Variants in KCNC2 observed in about 807,000 individuals in gnomAD.
KCNC2 encodes the protein voltage-gated potassium channel KCNC2.
KCNC2 carries 21 observed loss-of-function variants against 44.5 expected under a neutral mutation model. The ratio of observed to expected loss-of-function variants is 0.47; its 90% CI spans 0.33 to 0.68. KCNC2 has a LOEUF of 0.68. KCNC2 is among the 30% of genes least tolerant of loss of function. The pLI is 0.01. For missense variants in KCNC2, 589 were observed against 826.2 expected (o/e 0.71, Z 3.52); for synonymous variants, 391 against 339.1 (o/e 1.15, Z -1.68).
At chr12:75,145,259 G>T (rs961094142) in intron 2 of KCNC2, among the ~76,000 whole-genome samples, 2 of 151,728 alleles carry the variant, frequency 1.3e-5, no homozygotes, top group Admixed American at 1.3e-4. Context: ...AATTTCAGGA[G>T]ATTCAAGTGC....
intron 2 of KCNC2, among the ~76,000 whole-genome samples, chr12:75,146,477 C>A (rs1428135495): frequency 6.6e-6 from 1 of 152,096 alleles, no homozygotes; most frequent in East Asian, 1.9e-4. Flanking sequence ...AAAAGTAGAT[C>A]TGTTTTATTA....
intron 2 of KCNC2, among the ~76,000 whole-genome samples, chr12:75,056,156 G>C (rs530925609): frequency 6.6e-6 from 1 of 152,056 alleles, no homozygotes; most frequent in Non-Finnish European, 1.5e-5. Flanking sequence ...TTCAGCCCCT[G>C]TTGTGAAATT....
intron 2 of KCNC2, among the ~76,000 whole-genome samples, chr12:75,151,094 G>A (rs957489353): frequency 1.1e-4 from 17 of 151,826 alleles, no homozygotes; most frequent in African/African-American, 4.1e-4. Context: ...TTTGATAACT[G>A]GACGGGCTTG....
At position 75,041,506 on chromosome 12, in the gene KCNC2, T is replaced by A; in HGVS notation, c.*1599A>T. Reference sequence around the variant, plus strand: ...AATCAGCAGTCTCAAGGCTCCCAAATGCCTTAGTGATATTATTTATCCCTC... The same window carrying A: ...AATCAGCAGTCTCAAGGCTCCCAAAAGCCTTAGTGATATTATTTATCCCTC... On this transcript the variant is annotated 3_prime_UTR_variant, in exon 5 of 5. Transcript: ENST00000549446. 1 of 1,174,718 alleles carries A rather than the reference T, an allele frequency of 8.5e-7. No homozygotes were observed. Among genetic ancestry groups the A allele is most frequent in the African/African-American group, 1.6e-5 (1 of 63,722 alleles). The allele number at this position is 1,174,718 out of a possible 1,614,324, so 72.8% of individuals were successfully genotyped here. A position where few individuals can be genotyped will look rare whatever the true frequency, so the allele number is the denominator to read the frequency against.
At chr12:75,174,403 A>G (rs567316965) in intron 2 of KCNC2, among the ~76,000 whole-genome samples, 1 of 152,024 alleles carries the variant, frequency 6.6e-6, no homozygotes, top group African/African-American at 2.4e-5. Flanking sequence ...TTGAATGGGC[A>G]TCTTAATCAC....
intron 2 of KCNC2, among the ~76,000 whole-genome samples, chr12:75,126,494 T>G (rs1888433156): frequency 6.6e-6 from 1 of 152,150 alleles, no homozygotes; most frequent in Admixed American, 6.5e-5. Flanking sequence ...CACTATTGAT[T>G]ACAGTATAGT....
chr12:75,041,723 C>T lies in KCNC2; in HGVS notation c.*1382G>A, dbSNP rs1272235563. The T allele has an allele frequency of 2.0e-6, 2 of 992,630 alleles. No individual in the cohort carries two copies. The highest frequency in any genetic ancestry group is 1.7e-5 in the African/African-American group (1 of 57,262). 61.5% of individuals were successfully genotyped at this position (992,630 alleles called of 1,614,324 possible). A position where few individuals can be genotyped will look rare whatever the true frequency, so the allele number is the denominator to read the frequency against. On this transcript the variant is annotated 3_prime_UTR_variant, in exon 5 of 5. Transcript: ENST00000549446. ...AGAAACTGACACTGCAGCAGGCAAC[C>T]AAGTGCAATGGTGAAATTGCTGCTT...
At chr12:75,192,118 T>C (rs962952653) in intron 2 of KCNC2, among the ~76,000 whole-genome samples, 3 of 152,230 alleles carry the variant, frequency 2.0e-5, no homozygotes, top group African/African-American at 7.2e-5. Flanking sequence ...CTAGATAGAA[T>C]GTGGAAAAAT....
intron 2 of KCNC2, among the ~76,000 whole-genome samples, chr12:75,153,396 T>C (rs1890538660): frequency 6.6e-6 from 1 of 151,930 alleles, no homozygotes. Flanking sequence ...TATTCGGACT[T>C]GTAAGTGGTA....
At chr12:75,121,972 G>A (rs1468139175) in intron 2 of KCNC2, among the ~76,000 whole-genome samples, 2 of 151,808 alleles carry the variant, frequency 1.3e-5, no homozygotes, top group African/African-American at 4.8e-5. Flanking sequence ...AGTGTCAAGT[G>A]TGAGTGATAG....
In KCNC2 at chr12:75,207,797, G is replaced by A; in HGVS notation, c.187C>T (p.Pro63Ser). 2 of 1,597,482 alleles carry A rather than the reference G, an allele frequency of 1.3e-6. No homozygotes were observed. The highest frequency in any genetic ancestry group is 1.7e-6 in the Non-Finnish European group (2 of 1,173,730). Residue 63 changes from proline to serine, a missense_variant, in exon 2 of 5, where the codon CCG (proline) becomes TCG (serine). Pro to Ser is a moderately conservative substitution (Grantham distance 74). This residue lies in a region of KCNC2 where 148 missense variants were observed against 140.1 expected (regional missense o/e 1.06). Transcript: ENST00000549446. This position sits in a 1 kb window ranked among gnomAD's most constrained non-coding sequence, Gnocchi z 4.1. The stretch of plus-strand genomic sequence containing the variant: ...GACAGCGGGGGCGCTCTCGGCGGCG[G>A]CGACAGTGGAGGCGGCGACGGCTGC... ...KLQPSPPPLS[P>S]PPRAPPLSPG...
intron 2 of KCNC2, among the ~76,000 whole-genome samples, chr12:75,055,418 C>T (rs1305883395): frequency 6.6e-6 from 1 of 152,050 alleles, no homozygotes; most frequent in African/African-American, 2.4e-5. Flanking sequence ...CTTAATGGAG[C>T]ATGTGTCTTA....
At chr12:75,156,423 A>T (rs1342654277) in intron 2 of KCNC2, among the ~76,000 whole-genome samples, 1 of 151,844 alleles carries the variant, frequency 6.6e-6, no homozygotes, top group East Asian at 1.9e-4. Flanking sequence ...ATTCTTTTAC[A>T]TAATGCCCAT....
chr12:75,191,532 T>TATA, intron 2 of KCNC2, among the ~76,000 whole-genome samples: 1 of 25,238 alleles, frequency 4.0e-5, no homozygotes, highest in South Asian at 1.5e-3. Context: ...TTATTATTTT[T>TATA]TTTTTTTTTT....
At chr12:75,133,811 T>C (rs1889028565) in intron 2 of KCNC2, among the ~76,000 whole-genome samples, 2 of 152,004 alleles carry the variant, frequency 1.3e-5, no homozygotes, top group African/African-American at 4.8e-5. Flanking sequence ...TTATAGAACA[T>C]ATATCCTGTG....
In KCNC2 at chr12:75,051,180, T is replaced by C. The variant is rs2136945464; in HGVS notation, c.825A>G (p.Glu275=). ...INGTSVVLQY[E]IETDPALTYV... ...ACGTCAAGGCAGGATCCGTTTCAATTTCATACTGTAGAACAACACTTGTGC... is the reference window on the plus strand; with the variant it reads ...ACGTCAAGGCAGGATCCGTTTCAATCTCATACTGTAGAACAACACTTGTGC... Residue 275 remains glutamate (E), a synonymous_variant, in exon 3 of 5, where the codon GAA becomes GAG. Coordinates refer to ENST00000549446, the MANE Select transcript of KCNC2 (RefSeq NM_139137.4). 6.2e-7 allele frequency: 1 copy of C among 1,613,802 alleles called. No homozygotes were observed. The highest frequency in any genetic ancestry group is 2.2e-5 in the East Asian group (1 of 44,854).
At chr12:75,136,756 G>C (rs1265819640) in intron 2 of KCNC2, among the ~76,000 whole-genome samples, 1 of 152,100 alleles carries the variant, frequency 6.6e-6, no homozygotes, top group Non-Finnish European at 1.5e-5. Context: ...GTACAAAGAA[G>C]AACTGGTACC....
At chr12:75,153,466 A>G (rs1195700265) in intron 2 of KCNC2, among the ~76,000 whole-genome samples, 2 of 151,784 alleles carry the variant, frequency 1.3e-5, no homozygotes, top group African/African-American at 4.8e-5. Context: ...GAAACTTGGA[A>G]GGGTGGGAGG....
intron 2 of KCNC2, among the ~76,000 whole-genome samples, chr12:75,062,040 G>T (rs1005266280): frequency 5.9e-5 from 9 of 151,960 alleles, no homozygotes; most frequent in Non-Finnish European, 1.3e-4. Flanking sequence ...AATAACAATA[G>T]TAATAATAAC....
Sources: allele counts gnomAD v4.1 joint callset (sites outside exome capture counted in the v4.1 genomes callset), GRCh38; gene constraint gnomAD v4.1.1; regional missense constraint gnomAD v4.1.1; non-coding constraint Gnocchi (gnomAD v3.1); transcripts MANE v1.5; gene names NCBI Gene and HGNC (gene_info 2026-07-23, HGNC 2026-07-21).